NRG3: variants seen among roughly 807,000 people sequenced by gnomAD.
The protein encoded by NRG3 is pro-neuregulin-3, membrane-bound isoform.
NRG3 carries 31 observed loss-of-function variants against 66.9 expected under a neutral mutation model. That is an observed-to-expected ratio of 0.46 (90% CI 0.35 to 0.63). The LOEUF is 0.63. Among genes scored for constraint, NRG3 ranks in the 20% least tolerant of loss-of-function variants. NRG3 has a pLI of 0.00. For synonymous variants in NRG3, 393 were observed against 359.4 expected (o/e 1.09, Z -1.06); for missense variants, 910 against 878.9 (o/e 1.04, Z -0.45).
intron 3 of NRG3, among the ~76,000 whole-genome samples, chr10:82,834,529 A>C (rs1453020623): frequency 6.6e-6 from 1 of 152,222 alleles, no homozygotes; most frequent in African/African-American, 2.4e-5. Flanking sequence ...GAGGAAAGCC[A>C]TAGCATAAAA....
intron 1 of NRG3, among the ~76,000 whole-genome samples, chr10:82,344,214 T>C (rs2082852928): frequency 2.0e-5 from 3 of 148,036 alleles, no homozygotes; most frequent in Non-Finnish European, 2.9e-5. Flanking sequence ...CCCTCCCCGC[T>C]CCCCACACCC....
chr10:82,129,475 G>T (rs2068670827), intron 1 of NRG3, among the ~76,000 whole-genome samples: 1 of 152,148 alleles, frequency 6.6e-6, no homozygotes, highest in African/African-American at 2.4e-5. Context: ...TTTGATACAG[G>T]TGTGCAATGC....
chr10:82,053,463 T>C (rs1302468719), intron 1 of NRG3, among the ~76,000 whole-genome samples: 1 of 152,130 alleles, frequency 6.6e-6, no homozygotes, highest in East Asian at 1.9e-4. Context: ...AAGTAACTCC[T>C]CCTTACACAC....
intron 2 of NRG3, among the ~76,000 whole-genome samples, chr10:82,573,922 A>G (rs1240256899): frequency 6.6e-6 from 1 of 151,792 alleles, no homozygotes; most frequent in Non-Finnish European, 1.5e-5. Context: ...AATTTGGCGA[A>G]AGAAGAAGTG....
intron 1 of NRG3, among the ~76,000 whole-genome samples, chr10:81,995,025 T>C (rs2060883692): frequency 1.3e-5 from 2 of 152,272 alleles, no homozygotes; most frequent in South Asian, 4.1e-4. Flanking sequence ...GTCTCTCAGA[T>C]ATGTTTTTCG....
chr10:82,838,823 A>G (rs2062908987), intron 3 of NRG3, among the ~76,000 whole-genome samples: 1 of 152,130 alleles, frequency 6.6e-6, no homozygotes, highest in Non-Finnish European at 1.5e-5. Flanking sequence ...GCTGATAAAG[A>G]CATACCCGAG....
intron 1 of NRG3, among the ~76,000 whole-genome samples, chr10:82,188,884 A>G (rs947607794): frequency 7.9e-5 from 12 of 152,272 alleles, no homozygotes; most frequent in African/African-American, 2.9e-4. Context: ...TAGGGTGACT[A>G]TAGTCAATAA....
intron 2 of NRG3, among the ~76,000 whole-genome samples, chr10:82,393,987 A>C (rs1430274812): frequency 6.6e-6 from 1 of 152,136 alleles, no homozygotes; most frequent in Non-Finnish European, 1.5e-5. Context: ...TATCCTATGT[A>C]TAATTGCACC....
At chr10:82,366,674 T>G (rs2084547037) in intron 2 of NRG3, among the ~76,000 whole-genome samples, 1 of 152,216 alleles carries the variant, frequency 6.6e-6, no homozygotes, top group Non-Finnish European at 1.5e-5. Flanking sequence ...GTTGACTTTT[T>G]TATTTTTTTA....
chr10:82,339,962 A>G (rs1413736323), intron 1 of NRG3, among the ~76,000 whole-genome samples: 6 of 152,146 alleles, frequency 3.9e-5, no homozygotes, highest in Non-Finnish European at 7.4e-5. Context: ...ACAACTATCC[A>G]TCTTTTAAAG....
intron 1 of NRG3, among the ~76,000 whole-genome samples, chr10:82,024,499 T>G (rs1337536010): frequency 2.0e-5 from 3 of 152,080 alleles, no homozygotes; most frequent in African/African-American, 7.2e-5. Flanking sequence ...AAAGTTTACA[T>G]GTGGTTTTCA....
At chr10:82,496,669 C>G (rs2132301581) in intron 2 of NRG3, among the ~76,000 whole-genome samples, 1 of 152,130 alleles carries the variant, frequency 6.6e-6, no homozygotes, top group East Asian at 1.9e-4. Flanking sequence ...AGATGTTTAC[C>G]TTAAATATCA....
At position 82,053,780 on chromosome 10, in the gene NRG3, G is replaced by A. The variant is rs564800945; in HGVS notation, c.823+177617G>A. Among the ~76,000 whole-genome samples the A allele has an allele frequency of 1.4e-4, 22 of 152,304 alleles. No individual in the cohort carries two copies. In the East Asian group the frequency reaches 4.2e-3, roughly 29 times the overall value. Reference sequence around the variant, plus strand: ...TTGTGATGGTATGTAAAGCCTGGAAGAAGTGCAGGGAGTGTTGGGTGTGCA... The same window carrying A: ...TTGTGATGGTATGTAAAGCCTGGAAAAAGTGCAGGGAGTGTTGGGTGTGCA... On this transcript the variant is annotated intron_variant, in intron 1 of 8. Coordinates refer to ENST00000372141, the MANE Select transcript of NRG3 (RefSeq NM_001010848.4).
At chr10:82,093,342 C>T (rs1298925186) in intron 1 of NRG3, among the ~76,000 whole-genome samples, 1 of 151,882 alleles carries the variant, frequency 6.6e-6, no homozygotes, top group Non-Finnish European at 1.5e-5. Context: ...GGTGTAGACT[C>T]ATGTACGCAA....
At chr10:82,613,419 TA>T (rs576124269) in intron 2 of NRG3, among the ~76,000 whole-genome samples, 49 of 151,232 alleles carry the variant, frequency 3.2e-4, no homozygotes, top group African/African-American at 9.9e-4. Context: ...CTTATTATTT[TA>T]AAAAAAATAA....
chr10:82,678,975 A>G (rs1183242739), intron 2 of NRG3, among the ~76,000 whole-genome samples: 2 of 152,252 alleles, frequency 1.3e-5, no homozygotes, highest in African/African-American at 4.8e-5. Context: ...GGACAATCTG[A>G]CATTGGAAAT....
At chr10:82,175,700 A>G (rs2072976815) in intron 1 of NRG3, among the ~76,000 whole-genome samples, 1 of 152,168 alleles carries the variant, frequency 6.6e-6, no homozygotes, top group Admixed American at 6.5e-5. Context: ...TTGGACTGTA[A>G]GTCCTTAGAG....
At chr10:82,400,220 C>A (rs893604901) in intron 2 of NRG3, among the ~76,000 whole-genome samples, 1 of 151,980 alleles carries the variant, frequency 6.6e-6, no homozygotes, top group Non-Finnish European at 1.5e-5. Flanking sequence ...GTAATAAAAT[C>A]TGAAAATACT....
chr10:82,264,930 T>C (rs1387071382), intron 1 of NRG3, among the ~76,000 whole-genome samples: 1 of 152,168 alleles, frequency 6.6e-6, no homozygotes, highest in Non-Finnish European at 1.5e-5. Context: ...CAAACAAGTC[T>C]TGCCTTTCAC....
Sources: gnomAD v4.1 joint callset for allele counts (sites outside exome capture counted in the v4.1 genomes callset) on GRCh38, gnomAD v4.1.1 for gene constraint, MANE v1.5 for transcripts, NCBI Gene and HGNC (gene_info 2026-07-23, HGNC 2026-07-21) for gene names.